Variants in SEC14L1 observed in about 807,000 individuals in gnomAD.
The protein encoded by SEC14L1 is SEC14 like lipid binding 1.
In SEC14L1, 48 loss-of-function variants were observed where a neutral mutation model predicts 85.3. The observed-to-expected ratio is 0.56, with a 90% CI of 0.45 to 0.72. The LOEUF (loss-of-function observed/expected upper bound fraction) is 0.72, where lower values mean the gene tolerates loss of function less well. Ranked by LOEUF, SEC14L1 falls within the 30% of genes least tolerant of loss-of-function variation. The pLI is 0.00. For missense variants in SEC14L1, 682 were observed against 921.4 expected, an observed-to-expected ratio of 0.74 and a Z score of 3.36; for synonymous variants, 391 against 355.5, an observed-to-expected ratio of 1.10 and a Z score of -1.12.
At position 77,096,331 on chromosome 17, in the gene SEC14L1, C is replaced by T. The variant is rs148057396; in HGVS notation, c.-136+2984C>T. ...TCCCAGCACTTTGGGCCAAGGCAGGCGGATCACCTGAGGTCAAGAGTTCGA... is the reference window on the plus strand; with the variant it reads ...TCCCAGCACTTTGGGCCAAGGCAGGTGGATCACCTGAGGTCAAGAGTTCGA... On this transcript the variant is annotated intron_variant, in intron 3 of 19. Transcript: ENST00000392476. Among the ~76,000 whole-genome samples, 861 of 137,768 alleles carry T rather than the reference C, an allele frequency of 6.2e-3. 7 individuals are homozygous for T. Among genetic ancestry groups the T allele is most frequent in the African/African-American group, 0.02 (795 of 39,732 alleles). The allele number at this position is 137,768 out of a possible 152,430, so 90.4% of individuals were successfully genotyped here. A position where few individuals can be genotyped will look rare whatever the true frequency, so the allele number is the denominator to read the frequency against.
intron 3 of SEC14L1, among the ~76,000 whole-genome samples, chr17:77,161,712 CTTTT>C (rs763767954): frequency 0.015 from 1,529 of 103,048 alleles, 16 homozygotes; most frequent in South Asian, 0.057. Context: ...TAAATTGGTT[CTTTT>C]TTTTTTTTTT....
rs201876049 is a variant in SEC14L1, at chr17:77,160,769, CTG to C, written c.63+17112_63+17113del. Among the ~76,000 whole-genome samples, 1,197 of 152,312 alleles carry C rather than the reference CTG, an allele frequency of 7.9e-3. 20 individuals carry two copies. The highest frequency in any genetic ancestry group is 0.027 in the African/African-American group (1,119 of 41,550). The stretch of plus-strand genomic sequence containing the variant: ...AACTACATGGATGCGTTGAGATCAT[CTG>C]TATAGCATGCTTACAGCTGAGCACT... On this transcript the variant is annotated intron_variant, in intron 3 of 16. Coordinates refer to ENST00000436233, the MANE Select transcript of SEC14L1 (RefSeq NM_001143998.2).
intron 3 of SEC14L1, among the ~76,000 whole-genome samples, chr17:77,170,431 G>A (rs1974475841): frequency 6.6e-6 from 1 of 152,154 alleles, no homozygotes. Context: ...TGACGAGGAC[G>A]TAATCTCTGG....
At chr17:77,166,160 C>T (rs961819762) in intron 3 of SEC14L1, among the ~76,000 whole-genome samples, 4 of 152,146 alleles carry the variant, frequency 2.6e-5, no homozygotes, top group South Asian at 2.1e-4. Context: ...AGGCTGCTGT[C>T]GAACTCCTGG....
intron 3 of SEC14L1, among the ~76,000 whole-genome samples, chr17:77,099,377 ATT>A (rs1445072343): frequency 6.6e-6 from 1 of 152,158 alleles, no homozygotes; most frequent in African/African-American, 2.4e-5. Context: ...ACATGAGCCT[ATT>A]TGAAAACTTT....
chr17:77,152,845 G>T (rs1973625516), intron 3 of SEC14L1, among the ~76,000 whole-genome samples: 1 of 152,058 alleles, frequency 6.6e-6, no homozygotes. Flanking sequence ...ATTTGTATTT[G>T]GTTATTATGT....
chr17:77,134,338 C>T (rs374948968), intron 3 of SEC14L1, among the ~76,000 whole-genome samples: 2 of 152,146 alleles, frequency 1.3e-5, no homozygotes, highest in African/African-American at 4.8e-5. Flanking sequence ...CAGCCTCAAC[C>T]TCCTGGGTTC....
chr17:77,107,232 C>T (rs1023417329), intron 3 of SEC14L1, among the ~76,000 whole-genome samples: 5 of 152,128 alleles, frequency 3.3e-5, no homozygotes, highest in South Asian at 2.1e-4. Flanking sequence ...CGCCAGGCTC[C>T]GGGCTCCGGG....
intron 3 of SEC14L1, among the ~76,000 whole-genome samples, chr17:77,099,427 G>A (rs1011007390): frequency 4.6e-5 from 7 of 152,062 alleles, no homozygotes; most frequent in African/African-American, 1.2e-4. Flanking sequence ...AGTTATGGAC[G>A]AAGCCCCCCA....
chr17:77,111,747 T>C (rs991445899), intron 3 of SEC14L1, among the ~76,000 whole-genome samples: 3 of 152,238 alleles, frequency 2.0e-5, no homozygotes, highest in South Asian at 2.1e-4. Flanking sequence ...CCCCATTGTA[T>C]GTAGGAAGTA....
chr17:77,198,401 G>C (rs1457354399), intron 8 of SEC14L1, among the ~76,000 whole-genome samples: 59 of 152,188 alleles, frequency 3.9e-4, no homozygotes, highest in Admixed American at 3.9e-3. Context: ...TACTAGCGAA[G>C]TCCAGTCACA....
chr17:77,128,149 TCA>T (rs1378186726), intron 3 of SEC14L1: 1 of 152,212 alleles, frequency 6.6e-6, no homozygotes, highest in African/African-American at 2.4e-5. Context: ...GGTGAAAAGT[TCA>T]GAGCCGTACC....
Position 77,187,696 on chromosome 17 carries a change from A to G in SEC14L1, c.64-3107A>G, listed in dbSNP as rs189296539. ...CCCGGCCTTATTCTTATTACCCTAT[A>G]TCCTATGACTTCCAGTTCACATGCA... On this transcript the variant is annotated intron_variant, in intron 3 of 16. Transcript: ENST00000436233. Among the ~76,000 whole-genome samples, 6 of 148,752 alleles carry G rather than the reference A, an allele frequency of 4.0e-5. No homozygotes were observed. In the East Asian group the frequency reaches 8.0e-4, roughly 20 times the overall value.
chr17:77,191,795 C>T (rs1429869711), intron 5 of SEC14L1, among the ~76,000 whole-genome samples: 1 of 150,984 alleles, frequency 6.6e-6, no homozygotes, highest in African/African-American at 2.4e-5. Flanking sequence ...CACCCCTTGG[C>T]CTAATTTTTT....
intron 3 of SEC14L1, among the ~76,000 whole-genome samples, chr17:77,119,745 T>C (rs1486120088): frequency 3.3e-5 from 5 of 152,170 alleles, no homozygotes; most frequent in Admixed American, 3.3e-4. Flanking sequence ...AGTTCATACT[T>C]CTATTATGTA....
At chr17:77,113,192 T>C (rs1016307795) in intron 3 of SEC14L1, among the ~76,000 whole-genome samples, 1 of 152,092 alleles carries the variant, frequency 6.6e-6, no homozygotes, top group African/African-American at 2.4e-5. Context: ...AGAAAAATAA[T>C]GCTTTTTACT....
At chr17:77,132,171 T>C (rs1340472860) in intron 3 of SEC14L1, among the ~76,000 whole-genome samples, 2 of 152,116 alleles carry the variant, frequency 1.3e-5, no homozygotes, top group Non-Finnish European at 2.9e-5. Flanking sequence ...TTAACTCTTT[T>C]ACCACCAAAT....
chr17:77,139,558 C>T (rs530549750), upstream of SEC14L1, among the ~76,000 whole-genome samples: 62 of 146,296 alleles, frequency 4.2e-4, no homozygotes, highest in Middle Eastern at 3.7e-3. Flanking sequence ...GGTGCAGTGG[C>T]GCGATCTCGG....
chr17:77,203,864 G>C (rs998016755), intron 10 of SEC14L1, among the ~76,000 whole-genome samples: 1 of 152,138 alleles, frequency 6.6e-6, no homozygotes, highest in Non-Finnish European at 1.5e-5. Flanking sequence ...CGTCAGTGAG[G>C]CAGTCAGGGT....
Sources: gnomAD v4.1 joint callset for allele counts (sites outside exome capture counted in the v4.1 genomes callset) on GRCh38, gnomAD v4.1.1 for gene constraint, MANE v1.5 for transcripts, NCBI Gene and HGNC (gene_info 2026-07-23, HGNC 2026-07-21) for gene names.